Variants in CPEB3 observed in about 807,000 individuals in gnomAD.
CPEB3 encodes the protein cytoplasmic polyadenylation element-binding protein 3.
In CPEB3, 20 loss-of-function variants were observed where a neutral mutation model predicts 67.2. That is an observed-to-expected ratio of 0.30 (90% CI 0.21 to 0.43). CPEB3 has a LOEUF of 0.43. CPEB3 is among the 20% of genes least tolerant of loss of function. CPEB3 has a pLI of 1.00. For missense variants in CPEB3, 746 were observed against 968.6 expected (o/e 0.77, Z 3.05); for synonymous variants, 376 against 393.1 (o/e 0.96, Z 0.51).
intron 2 of CPEB3, among the ~76,000 whole-genome samples, chr10:92,199,174 C>T (rs35062595): frequency 5.1e-4 from 77 of 150,752 alleles, no homozygotes; most frequent in Non-Finnish European, 9.2e-4. Flanking sequence ...GGCGGATCAC[C>T]TGAGGTCGGG....
At chr10:92,086,980 G>T (rs1394572261) in intron 8 of CPEB3, among the ~76,000 whole-genome samples, 3 of 152,162 alleles carry the variant, frequency 2.0e-5, no homozygotes, top group African/African-American at 7.2e-5. Context: ...ACTGAACTTA[G>T]GACATGGTGA....
At chr10:92,142,559 C>T (rs183587352) in intron 6 of CPEB3, among the ~76,000 whole-genome samples, 1 of 152,324 alleles carries the variant, frequency 6.6e-6, no homozygotes. Context: ...TGCTCCCAAA[C>T]AGGCTAAGTC....
intron 9 of CPEB3, among the ~76,000 whole-genome samples, chr10:92,075,821 TCAA>T (rs1842912528): frequency 1.3e-5 from 2 of 152,110 alleles, no homozygotes; most frequent in Non-Finnish European, 2.9e-5. Context: ...TCGCCAAAGA[TCAA>T]CAACAACAAT....
At chr10:92,144,563 C>A (rs1027377637) in intron 5 of CPEB3, among the ~76,000 whole-genome samples, 1 of 152,132 alleles carries the variant, frequency 6.6e-6, no homozygotes, top group Non-Finnish European at 1.5e-5. Flanking sequence ...ACTGCACTGG[C>A]CAGTATTTAT....
intron 7 of CPEB3, among the ~76,000 whole-genome samples, chr10:92,104,405 C>T (rs7899706): frequency 0.14 from 18,095 of 128,858 alleles, 1,377 homozygotes; most frequent in Middle Eastern, 0.3. Context: ...TTTTTTGAGA[C>T]GGAGTCTTAT....
chr10:92,241,054 AT>A (rs1359947849), intron 1 of CPEB3, among the ~76,000 whole-genome samples: 2 of 152,018 alleles, frequency 1.3e-5, no homozygotes, highest in Non-Finnish European at 2.9e-5. Context: ...GAGACAGTTA[AT>A]TTTAAAAAAA....
chr10:92,138,166 G>A (rs1590219243), intron 6 of CPEB3: 2 of 206,424 alleles, frequency 9.7e-6, no homozygotes, highest in East Asian at 2.3e-4. Context: ...CGCAGCCAGA[G>A]GCATTCATGT....
chr10:92,271,679 C>T (rs1347291252), intron 1 of CPEB3, among the ~76,000 whole-genome samples: 2 of 152,162 alleles, frequency 1.3e-5, no homozygotes, highest in South Asian at 4.1e-4. Flanking sequence ...TAACCCACAG[C>T]GGCTATTTAA....
At chr10:92,067,886 C>A (rs1202892654) in intron 9 of CPEB3, among the ~76,000 whole-genome samples, 2 of 152,116 alleles carry the variant, frequency 1.3e-5, no homozygotes, top group East Asian at 1.9e-4. Context: ...TCCACACCAA[C>A]AAATGTCTCA....
intron 1 of CPEB3, among the ~76,000 whole-genome samples, chr10:92,279,779 A>G (rs1842173517): frequency 6.6e-6 from 1 of 152,200 alleles, no homozygotes; most frequent in African/African-American, 2.4e-5. Flanking sequence ...AGATGGGTGG[A>G]TCGCTCGATC....
Position 92,091,821 on chromosome 10 carries a change from T to G in CPEB3, c.1687+9A>C. 1 of 1,543,714 alleles carries G rather than the reference T, an allele frequency of 6.5e-7. No homozygotes were observed. The highest frequency in any genetic ancestry group is 8.9e-7 in the Non-Finnish European group (1 of 1,123,708). ...GTTTTGTTGTTGTGGTATTACTATT[T>G]CCACTCACCAGCTCGAAGGGGTCGT... On this transcript the variant is annotated intron_variant, in intron 8 of 9. Coordinates refer to ENST00000265997, the MANE Select transcript of CPEB3 (RefSeq NM_014912.5).
intron 2 of CPEB3, among the ~76,000 whole-genome samples, chr10:92,227,775 T>C (rs1413534479): frequency 6.6e-6 from 1 of 152,140 alleles, no homozygotes; most frequent in East Asian, 1.9e-4. Context: ...GTATTTTTAG[T>C]AGAGACGGGG....
chr10:92,277,218 C>T (rs1169071130), intron 1 of CPEB3, among the ~76,000 whole-genome samples: 1 of 152,112 alleles, frequency 6.6e-6, no homozygotes, highest in Non-Finnish European at 1.5e-5. Context: ...ACAGTCTAAT[C>T]CCTGGTCATG....
intron 8 of CPEB3, among the ~76,000 whole-genome samples, chr10:92,082,857 A>G (rs554292154): frequency 6.6e-6 from 1 of 152,316 alleles, no homozygotes; most frequent in African/African-American, 2.4e-5. Flanking sequence ...GACCTGGGCC[A>G]CAGCCAATGT....
chr10:92,166,319 G>T (rs1367059578), intron 4 of CPEB3, among the ~76,000 whole-genome samples: 1 of 152,024 alleles, frequency 6.6e-6, no homozygotes, highest in Non-Finnish European at 1.5e-5. Context: ...ATGTTGACCA[G>T]GCTGGTCTCA....
chr10:92,067,660 A>T (rs1199803297), intron 9 of CPEB3, among the ~76,000 whole-genome samples: 2 of 151,528 alleles, frequency 1.3e-5, no homozygotes, highest in Non-Finnish European at 2.9e-5. Flanking sequence ...CTCTACTAAA[A>T]ATACAAAATT....
chr10:92,126,118 A>G (rs142892716), intron 6 of CPEB3, among the ~76,000 whole-genome samples: 72 of 152,316 alleles, frequency 4.7e-4, no homozygotes, highest in African/African-American at 1.6e-3. Flanking sequence ...AACTGGGTCA[A>G]TCAAATTCCC....
At chr10:92,276,442 C>G (rs1406684261) in intron 1 of CPEB3, among the ~76,000 whole-genome samples, 1 of 151,870 alleles carries the variant, frequency 6.6e-6, no homozygotes, top group Non-Finnish European at 1.5e-5. Flanking sequence ...CCATGCCTGG[C>G]TAATTTTTAT....
At chr10:92,289,732 A>AAAAAAATATATAT in intron 1 of CPEB3, among the ~76,000 whole-genome samples, 25 of 75,760 alleles carry the variant, frequency 3.3e-4, no homozygotes, top group Non-Finnish European at 5.6e-4. Context: ...AAAAAAAAAA[A>AAAAAAATATATAT]ATATATATAT....
Sources: gnomAD v4.1 joint callset for allele counts (sites outside exome capture counted in the v4.1 genomes callset) on GRCh38, gnomAD v4.1.1 for gene constraint, MANE v1.5 for transcripts, NCBI Gene and HGNC (gene_info 2026-07-23, HGNC 2026-07-21) for gene names.